The following CLMP variants were observed in gnomAD, a reference collection of about 807,000 sequenced individuals.
The protein encoded by CLMP is CXADR-like membrane protein.
CLMP carries 27 observed loss-of-function variants against 45.2 expected under a neutral mutation model. The ratio of observed to expected loss-of-function variants is 0.60; its 90% CI spans 0.44 to 0.82. CLMP has a LOEUF of 0.82. CLMP is among the 40% of genes least tolerant of loss of function. The pLI, the probability that CLMP is intolerant of heterozygous loss-of-function variation, is 0.00. For missense variants in CLMP, 403 were observed against 448.4 expected (o/e 0.90, Z 0.91); for synonymous variants, 167 against 171.4 (o/e 0.97, Z 0.20).
intron 1 of CLMP, among the ~76,000 whole-genome samples, chr11:123,147,375 C>A (rs1158524577): frequency 5.3e-5 from 8 of 152,200 alleles, no homozygotes; most frequent in Non-Finnish European, 1.2e-4. Flanking sequence ...CCATGGTCTA[C>A]CTTTCACTGG....
intron 1 of CLMP, among the ~76,000 whole-genome samples, chr11:123,160,371 C>A (rs1018418107): frequency 6.8e-6 from 1 of 146,784 alleles, no homozygotes; most frequent in Non-Finnish European, 1.5e-5. Context: ...AAGATAGATA[C>A]TGACATTTTC....
chr11:123,139,832 A>G (rs894629855), intron 1 of CLMP, among the ~76,000 whole-genome samples: 1 of 151,838 alleles, frequency 6.6e-6, no homozygotes, highest in African/African-American at 2.4e-5. Flanking sequence ...AAGTAAAATA[A>G]AATAAAATAG....
At chr11:123,191,219 A>G (rs1861903010) in intron 1 of CLMP, among the ~76,000 whole-genome samples, 1 of 152,202 alleles carries the variant, frequency 6.6e-6, no homozygotes, top group Admixed American at 6.5e-5. Flanking sequence ...TCTACCTTTA[A>G]AAAATATCCA....
Position 123,147,433 on chromosome 11 carries a change from A to T in CLMP, c.28+47480T>A, listed in dbSNP as rs113545262. ...ATCCTCCAATGAGCCTTTCTTTTTT[A>T]AAAAATTAAAAAGATAGTTTTTTCT... On this transcript the variant is annotated intron_variant, in intron 1 of 6. Transcript: ENST00000448775. 2.0e-5 allele frequency among the ~76,000 whole-genome samples: 3 copies of T among 152,122 alleles called. No homozygotes were observed. In the East Asian group the frequency reaches 5.8e-4, roughly 29 times the overall value.
intron 1 of CLMP, among the ~76,000 whole-genome samples, chr11:123,139,232 T>G (rs1861121008): frequency 1.3e-5 from 2 of 151,838 alleles, no homozygotes; most frequent in African/African-American, 4.8e-5. Flanking sequence ...AGAATAGTTT[T>G]CAACTCAACA....
At chr11:123,167,544 C>G (rs997188590) in intron 1 of CLMP, among the ~76,000 whole-genome samples, 18 of 149,924 alleles carry the variant, frequency 1.2e-4, no homozygotes, top group African/African-American at 4.1e-4. Context: ...CTTGGCCTCC[C>G]AAAGTGCTGG....
At chr11:123,157,930 T>C (rs1158813397) in intron 1 of CLMP, among the ~76,000 whole-genome samples, 1 of 151,972 alleles carries the variant, frequency 6.6e-6, no homozygotes, top group Admixed American at 6.6e-5. Flanking sequence ...AACACAGTAC[T>C]GCCCCATTGC....
At chr11:123,165,437 T>A (rs943167332) in intron 1 of CLMP, among the ~76,000 whole-genome samples, 1 of 152,202 alleles carries the variant, frequency 6.6e-6, no homozygotes, top group Non-Finnish European at 1.5e-5. Context: ...CAGTATCTGG[T>A]ACCTACCGCA....
rs1865691482 is a variant in CLMP, at chr11:123,073,054, A to G, written c.*420T>C. The G allele has an allele frequency of 6.0e-6, 1 of 165,652 alleles. No individual in the cohort carries two copies. Among genetic ancestry groups the G allele is most frequent in the Non-Finnish European group, 1.3e-5 (1 of 75,950 alleles). 10.3% of individuals were successfully genotyped at this position (165,652 alleles called of 1,614,324 possible). A position where few individuals can be genotyped will look rare whatever the true frequency, so the allele number is the denominator to read the frequency against. On this transcript the variant is annotated 3_prime_UTR_variant, in exon 7 of 7. Coordinates refer to ENST00000448775, the MANE Select transcript of CLMP (RefSeq NM_024769.5). ...TGACTGTCTGAATAACTAATAATCCAATAAGTTTGCAGAAATGCATAGAAA... is the reference window on the plus strand; with the variant it reads ...TGACTGTCTGAATAACTAATAATCCGATAAGTTTGCAGAAATGCATAGAAA...
chr11:123,131,313 G>A (rs1860984772), intron 1 of CLMP, among the ~76,000 whole-genome samples: 3 of 151,434 alleles, frequency 2.0e-5, no homozygotes, highest in Non-Finnish European at 2.9e-5. Context: ...TTTCCTGGTA[G>A]CCACAAAGAT....
intron 1 of CLMP, among the ~76,000 whole-genome samples, chr11:123,152,355 C>G (rs1861347492): frequency 6.6e-6 from 1 of 151,852 alleles, no homozygotes; most frequent in South Asian, 2.1e-4. Flanking sequence ...AACCCCGTCT[C>G]TACTAAAAAT....
intron 5 of CLMP, among the ~76,000 whole-genome samples, chr11:123,076,313 A>G (rs1056619307): frequency 7.9e-5 from 12 of 152,172 alleles, no homozygotes; most frequent in Non-Finnish European, 1.6e-4. Context: ...TTTTTCATAT[A>G]CCAAATATTT....
intron 1 of CLMP, among the ~76,000 whole-genome samples, chr11:123,103,435 G>A (rs561565289): frequency 2.7e-4 from 41 of 152,314 alleles, no homozygotes; most frequent in East Asian, 1.2e-3. Flanking sequence ...GCTCAGATTC[G>A]TCTGATGTCC....
rs1865680205 is a variant in CLMP, at chr11:123,072,235, A to G, written c.*1239T>C. The G allele has an allele frequency of 2.0e-5, 3 of 152,102 alleles. No homozygotes were observed. The South Asian group carries it at 6.2e-4, about 32-fold the overall frequency. The allele number at this position is 152,102 out of a possible 1,614,324, so 9.4% of individuals were successfully genotyped here. ...TAGAATCATCAAAAGTTCCAGGTTC[A>G]TATCCTTCTAAAATGGAAGAAATGG... On this transcript the variant is annotated 3_prime_UTR_variant, in exon 7 of 7. Coordinates refer to ENST00000448775, the MANE Select transcript of CLMP (RefSeq NM_024769.5).
chr11:123,174,291 A>G (rs1202190992), intron 1 of CLMP, among the ~76,000 whole-genome samples: 1 of 152,140 alleles, frequency 6.6e-6, no homozygotes. Context: ...GGAACAGGAA[A>G]TAGCTTAAAA....
chr11:123,073,859 CT>C, intron 6 of CLMP, 85 bp from the exon 7 acceptor site: 1 of 1,402,354 alleles, frequency 7.1e-7, no homozygotes, highest in Non-Finnish European at 9.7e-7. Flanking sequence ...GTTTCCGAAG[CT>C]GTGAACCTCA....
chr11:123,088,873 C>G (rs1865895309), intron 2 of CLMP, among the ~76,000 whole-genome samples: 1 of 152,184 alleles, frequency 6.6e-6, no homozygotes, highest in African/African-American at 2.4e-5. Flanking sequence ...ATCCACCCGC[C>G]TTAGCTTCCC....
In CLMP at chr11:123,144,115, C is replaced by G. The variant is rs940806721; in HGVS notation, c.29-46163G>C. Among the ~76,000 whole-genome samples the G allele has an allele frequency of 5.9e-5, 9 of 151,902 alleles. 1 individual carries two copies. The highest frequency in any genetic ancestry group is 2.2e-4 in the African/African-American group (9 of 41,270). On this transcript the variant is annotated intron_variant, in intron 1 of 6. Coordinates refer to ENST00000448775, the MANE Select transcript of CLMP (RefSeq NM_024769.5). ...AGGCAAGAGCCACTGCACCTGACAG[C>G]CTTGTGAGATTCTAAGCAGAGGATC...
chr11:123,075,818 C>T (rs1214506702), intron 5 of CLMP, among the ~76,000 whole-genome samples: 2 of 152,134 alleles, frequency 1.3e-5, no homozygotes, highest in Admixed American at 1.3e-4. Flanking sequence ...CTGGCTCTGC[C>T]GACTTCCCTG....
Sources: gnomAD v4.1 joint callset for allele counts (sites outside exome capture counted in the v4.1 genomes callset) on GRCh38, gnomAD v4.1.1 for gene constraint, MANE v1.5 for transcripts, NCBI Gene and HGNC (gene_info 2026-07-23, HGNC 2026-07-21) for gene names.